DLC1: variants seen among roughly 807,000 people sequenced by gnomAD.
The protein encoded by DLC1 is DLC1 Rho GTPase activating protein.
DLC1 carries 54 observed loss-of-function variants against 140.3 expected under a neutral mutation model. The ratio of observed to expected loss-of-function variants is 0.38; its 90% CI spans 0.31 to 0.48. The LOEUF (loss-of-function observed/expected upper bound fraction) is 0.48. Ranked by LOEUF, DLC1 falls within the 20% of genes least tolerant of loss-of-function variation. DLC1 has a pLI of 0.96. For missense variants in DLC1, 2,536 were observed against 1,907.0 expected, an observed-to-expected ratio of 1.33 and a Z score of -6.14; for synonymous variants, 986 against 728.1, an observed-to-expected ratio of 1.35 and a Z score of -5.70.
chr8:13,365,447 A>T (rs1191665985), intron 4 of DLC1, among the ~76,000 whole-genome samples: 2 of 152,124 alleles, frequency 1.3e-5, no homozygotes, highest in Admixed American at 6.5e-5. Context: ...ATCTTCTGGA[A>T]AGTCAGGTGA....
intron 1 of DLC1, among the ~76,000 whole-genome samples, chr8:13,552,981 T>C (rs1803914904): frequency 6.6e-6 from 1 of 151,520 alleles, no homozygotes; most frequent in Non-Finnish European, 1.5e-5. Context: ...GAAATTTAGC[T>C]TTCATTGGTT....
intron 2 of DLC1, among the ~76,000 whole-genome samples, chr8:13,440,166 G>C (rs897301660): frequency 6.6e-6 from 1 of 152,104 alleles, no homozygotes; most frequent in African/African-American, 2.4e-5. Flanking sequence ...AGTACGCATA[G>C]GTTTCTCATT....
At chr8:13,534,390 G>A (rs988789835) in intron 1 of DLC1, among the ~76,000 whole-genome samples, 4 of 152,062 alleles carry the variant, frequency 2.6e-5, no homozygotes, top group African/African-American at 9.7e-5. Context: ...CTCGCTAACT[G>A]TAATTCAATA....
At chr8:13,245,808 C>G (rs563804407) in intron 5 of DLC1, among the ~76,000 whole-genome samples, 3 of 152,200 alleles carry the variant, frequency 2.0e-5, no homozygotes, top group Admixed American at 2.0e-4. Flanking sequence ...TCAAGCGATT[C>G]TCTTGCCTCA....
At chr8:13,231,262 G>A (rs969249429) in intron 5 of DLC1, among the ~76,000 whole-genome samples, 6 of 151,782 alleles carry the variant, frequency 4.0e-5, no homozygotes, top group Non-Finnish European at 7.4e-5. Context: ...CTTCTTAACT[G>A]ATGGAAACGA....
chr8:13,547,144 T>C (rs892308254), intron 1 of DLC1, among the ~76,000 whole-genome samples: 3 of 152,130 alleles, frequency 2.0e-5, no homozygotes, highest in South Asian at 2.1e-4. Context: ...AATTATCTTG[T>C]ATGAAGAACA....
At chr8:13,590,133 T>C (rs1289413093) in intron 1 of DLC1, among the ~76,000 whole-genome samples, 2 of 151,618 alleles carry the variant, frequency 1.3e-5, no homozygotes, top group East Asian at 1.9e-4. Flanking sequence ...TTCCTATGCA[T>C]ATATTTTTCC....
chr8:13,227,268 C>T (rs998256868), intron 5 of DLC1, among the ~76,000 whole-genome samples: 6 of 152,278 alleles, frequency 3.9e-5, no homozygotes, highest in Non-Finnish European at 7.4e-5. Context: ...AGAACTGTAT[C>T]GCCATCTCAT....
intron 1 of DLC1, chr8:13,558,900 A>G (rs62492132): frequency 0.17 from 25,650 of 152,122 alleles, 2,486 homozygotes; most frequent in East Asian, 0.33. Flanking sequence ...AATGGCCTCA[A>G]AATTACAAAT....
At chr8:13,273,212 C>A (rs1333239961) in intron 5 of DLC1, among the ~76,000 whole-genome samples, 3 of 152,108 alleles carry the variant, frequency 2.0e-5, no homozygotes, top group Non-Finnish European at 4.4e-5. Context: ...CTCTGCTGAC[C>A]AGATGTCCAT....
chr8:13,133,004 A>G (rs1399448733), intron 5 of DLC1: 1 of 1,607,560 alleles, frequency 6.2e-7, no homozygotes, highest in African/African-American at 1.3e-5. Flanking sequence ...CGGCGGCGGA[A>G]GCGCTGTGGG....
chr8:13,403,808 T>G (rs914348710), intron 2 of DLC1, among the ~76,000 whole-genome samples: 1 of 6,596 alleles, frequency 1.5e-4, no homozygotes, highest in South Asian at 3.4e-3. Flanking sequence ...GGTCTGGCTG[T>G]TTTTTTTTTT....
chr8:13,197,436 C>T (rs1206740005), intron 5 of DLC1, among the ~76,000 whole-genome samples: 6 of 151,996 alleles, frequency 3.9e-5, no homozygotes, highest in South Asian at 4.2e-4. Flanking sequence ...GCAAACTCCA[C>T]CTCCCAGGTT....
chr8:13,341,860 A>T (rs1322185990), intron 4 of DLC1: 1 of 152,196 alleles, frequency 6.6e-6, no homozygotes, highest in Non-Finnish European at 1.5e-5. Flanking sequence ...AATGTCATCC[A>T]TCAGATTCTC....
chr8:13,275,774 A>T (rs993237302), intron 5 of DLC1, among the ~76,000 whole-genome samples: 2 of 152,172 alleles, frequency 1.3e-5, no homozygotes, highest in African/African-American at 4.8e-5. Flanking sequence ...AGGAAATACC[A>T]GCAGGCTTTC....
chr8:13,543,687 T>C (rs1257040427), intron 1 of DLC1, among the ~76,000 whole-genome samples: 1 of 152,196 alleles, frequency 6.6e-6, no homozygotes, highest in Non-Finnish European at 1.5e-5. Context: ...TAATGTCTTT[T>C]GTAGCAACTT....
intron 5 of DLC1, among the ~76,000 whole-genome samples, chr8:13,163,709 G>C (rs1824891097): frequency 6.6e-6 from 1 of 152,070 alleles, no homozygotes; most frequent in African/African-American, 2.4e-5. Flanking sequence ...GGCCAGACGT[G>C]GTGGCTCCCA....
chr8:13,378,803 C>T (rs11994388), intron 4 of DLC1, among the ~76,000 whole-genome samples: 19,917 of 152,082 alleles, frequency 0.13, 1,466 homozygotes, highest in Non-Finnish European at 0.17. Flanking sequence ...GCATATAGTT[C>T]ATGTCCTAGT....
intron 4 of DLC1, among the ~76,000 whole-genome samples, chr8:13,381,694 C>CA (rs1053721475): frequency 6.6e-6 from 1 of 152,120 alleles, no homozygotes; most frequent in Non-Finnish European, 1.5e-5. Context: ...AGTCAACCCC[C>CA]AACTGCAGCC....
Sources: allele counts gnomAD v4.1 joint callset (sites outside exome capture counted in the v4.1 genomes callset), GRCh38; gene constraint gnomAD v4.1.1; transcripts MANE v1.5; gene names NCBI Gene and HGNC (gene_info 2026-07-23, HGNC 2026-07-21).